Variants in ITGA4 observed in about 807,000 individuals in gnomAD.
The protein encoded by ITGA4 is integrin subunit alpha 4, also known as integrin alpha-4.
Under a neutral mutation model 133.6 loss-of-function variants are expected in ITGA4, and 63 were observed. The observed-to-expected ratio is 0.47, with a 90% CI of 0.38 to 0.58. ITGA4 has a LOEUF of 0.58. Among genes scored for constraint, ITGA4 ranks in the 20% least tolerant of loss-of-function variants. ITGA4 has a pLI of 0.00. For synonymous variants in ITGA4, 483 were observed against 438.0 expected, an observed-to-expected ratio of 1.10 and a Z score of -1.28; for missense variants, 1,076 against 1,252.7, an observed-to-expected ratio of 0.86 and a Z score of 2.13.
In ITGA4 at chr2:181,495,831, A is replaced by G. The variant is rs1686145733; in HGVS notation, c.1434A>G (p.Ser478=). The change falls in exon 14 of 28, where the codon TCA becomes TCG. Residue 478 remains serine (S), a synonymous_variant. Coordinates refer to ENST00000397033, the MANE Select transcript of ITGA4 (RefSeq NM_000885.6). This position sits in a 1 kb window ranked among gnomAD's most constrained non-coding sequence, Gnocchi z 4.3. Reference sequence around the variant, plus strand: ...ACGCTTCTTTAAGCCACCCTGAGTCAGTAAATAGAACGAAATTTGACTGTG... The same window carrying G: ...ACGCTTCTTTAAGCCACCCTGAGTCGGTAAATAGAACGAAATTTGACTGTG... ...IVDASLSHPE[S]VNRTKFDCVE... The G allele has an allele frequency of 6.2e-7, 1 of 1,613,882 alleles. No homozygotes were observed. The highest frequency in any genetic ancestry group is 8.5e-7 in the Non-Finnish European group (1 of 1,179,876).
intron 20 of ITGA4, among the ~76,000 whole-genome samples, chr2:181,524,762 A>G (rs920948256): frequency 3.3e-5 from 5 of 152,208 alleles, no homozygotes; most frequent in African/African-American, 9.6e-5. Context: ...ACGTTAAGGC[A>G]GTACATGACT....
intron 15 of ITGA4, among the ~76,000 whole-genome samples, chr2:181,504,334 G>A (rs1242501174): frequency 6.6e-6 from 1 of 151,962 alleles, no homozygotes; most frequent in Admixed American, 6.6e-5. Context: ...ATTTTGTTAT[G>A]TAAATCTTTA....
intron 10 of ITGA4, among the ~76,000 whole-genome samples, chr2:181,488,242 C>A (rs3770117): frequency 2.6e-5 from 4 of 152,010 alleles, no homozygotes; most frequent in Non-Finnish European, 2.9e-5. Flanking sequence ...AGAGAGTGTT[C>A]GGTCGATGAG....
chr2:181,491,996 A>G (rs772702346), intron 10 of ITGA4, among the ~76,000 whole-genome samples: 2 of 152,118 alleles, frequency 1.3e-5, no homozygotes, highest in Non-Finnish European at 2.9e-5. Flanking sequence ...ATCATTTTCT[A>G]TGAGAAGCCT....
intron 21 of ITGA4, 112 bp downstream of exon 21, chr2:181,525,403 C>A: frequency 3.4e-6 from 2 of 589,102 alleles, no homozygotes; most frequent in Admixed American, 5.9e-5. Context: ...AAAAAGGATA[C>A]TCTATCTTTT....
At chr2:181,534,668 G>A (rs1340572783) in intron 26 of ITGA4, 148 bp from the exon 27 acceptor site, 1 of 683,984 alleles carries the variant, frequency 1.5e-6, no homozygotes, top group Admixed American at 3.1e-5. Flanking sequence ...AGTGTTTCCT[G>A]CAATTATATT....
At position 181,523,457 on chromosome 2, in the gene ITGA4, T is replaced by G; in HGVS notation, c.2094T>G (p.Cys698Trp). 6.2e-7 allele frequency: 1 copy of G among 1,607,976 alleles called. No homozygotes were observed. The highest frequency in any genetic ancestry group is 8.5e-7 in the Non-Finnish European group (1 of 1,174,590). ...ATTAGGAAGAGAAGCAAATAAACTG[T>G]GAAGTCACAGATAACTCTGGCGTGG... The part of the protein sequence containing the change: ...ILELEEKQIN[C>W]EVTDNSGVVQ... Residue 698 changes from cysteine (C) to tryptophan (W), a missense_variant, in exon 19 of 28, where the codon TGT (cysteine) becomes TGG (tryptophan). This residue lies in a region of ITGA4 where 365 missense variants were observed against 421.4 expected (regional missense o/e 0.87). Transcript: ENST00000397033. The surrounding 1 kb of genome is among the most constrained non-coding windows in gnomAD (Gnocchi z 4.2).
intron 17 of ITGA4, among the ~76,000 whole-genome samples, chr2:181,515,959 T>A (rs947662223): frequency 6.6e-6 from 1 of 151,818 alleles, no homozygotes; most frequent in Non-Finnish European, 1.5e-5. Flanking sequence ...AAGACTGCAA[T>A]AATAAACTGT....
At chr2:181,476,431 A>G (rs1685678816) in intron 4 of ITGA4, among the ~76,000 whole-genome samples, 1 of 152,222 alleles carries the variant, frequency 6.6e-6, no homozygotes, top group Admixed American at 6.5e-5. Context: ...AATGGTCATT[A>G]TAAATGACTT....
At chr2:181,485,844 T>A (rs367892966) in intron 9 of ITGA4, 37 bp from the exon 10 acceptor site, 38 of 1,502,812 alleles carry the variant, frequency 2.5e-5, no homozygotes, top group South Asian at 1.8e-4. Flanking sequence ...TGTCAGGGAG[T>A]GTTATAATGA....
At position 181,535,010 on chromosome 2, in the gene ITGA4, ATTAGAT is replaced by A; in HGVS notation, c.3003+79_3003+84del. 7 of 1,444,594 alleles carry A rather than the reference ATTAGAT, an allele frequency of 4.8e-6. No homozygotes were observed. The South Asian group carries it at 8.7e-5, about 18-fold the overall frequency. 89.5% of individuals were successfully genotyped at this position (1,444,594 alleles called of 1,614,324 possible). ...TCAAAGCCAATTTGACTTCCAAGTT[ATTAGAT>A]TTAAATATTTCACTATTTGAATGTT... is the stretch of plus-strand genomic sequence containing the variant. On this transcript the variant is annotated intron_variant, in intron 27 of 27. Transcript: ENST00000397033.
At chr2:181,502,927 T>C (rs1342179091) in intron 15 of ITGA4, among the ~76,000 whole-genome samples, 3 of 151,564 alleles carry the variant, frequency 2.0e-5, no homozygotes, top group Admixed American at 2.0e-4. Context: ...CGGGAGGGAA[T>C]GTACAAGGGA....
In ITGA4 at chr2:181,531,787, C is replaced by G. The variant is rs764268144; in HGVS notation, c.2784+11C>G. On this transcript the variant is annotated intron_variant, in intron 25 of 27. Transcript: ENST00000397033. ...TCCATTTTAGAAATGGTAAGTAAGT[C>G]TAAAACATTGACAACTTGGTGGCTA... 6 of 1,586,670 alleles carry G rather than the reference C, an allele frequency of 3.8e-6. No homozygotes were observed. Among genetic ancestry groups the G allele is most frequent in the Non-Finnish European group, 5.1e-6 (6 of 1,168,546 alleles).
chr2:181,508,702 A>AAAAT (rs148495678), intron 15 of ITGA4, among the ~76,000 whole-genome samples: 104 of 151,654 alleles, frequency 6.9e-4, no homozygotes, highest in African/African-American at 2.2e-3. Flanking sequence ...TCAAAAACGA[A>AAAAT]AAATAAATAA....
chr2:181,524,421 G>GTT (rs1215973709), intron 20 of ITGA4, 171 bp downstream of exon 20: 26 of 502,018 alleles, frequency 5.2e-5, no homozygotes, highest in Non-Finnish European at 8.7e-5. Flanking sequence ...TACTGGCAAT[G>GTT]TTTTAGCTCT....
In ITGA4 at chr2:181,538,219, A is replaced by C. The variant is rs1201433512; in HGVS notation, c.*2692A>C. 3 of 1,592,410 alleles carry C rather than the reference A, an allele frequency of 1.9e-6. No individual in the cohort carries two copies. Among genetic ancestry groups the C allele is most frequent in the East Asian group, 2.2e-5 (1 of 44,736 alleles). On this transcript the variant is annotated 3_prime_UTR_variant, in exon 28 of 28. Coordinates refer to ENST00000397033, the MANE Select transcript of ITGA4 (RefSeq NM_000885.6). Reference sequence around the variant, plus strand: ...ATCATTTCTTCCATGCTTCCTCCATAAAGACTGATAAGTCTTGGATGCAAT... The same window carrying C: ...ATCATTTCTTCCATGCTTCCTCCATCAAGACTGATAAGTCTTGGATGCAAT...
chr2:181,503,565 CTTTTTTTT>C (rs147081320), intron 15 of ITGA4, among the ~76,000 whole-genome samples: 10 of 101,754 alleles, frequency 9.8e-5, no homozygotes, highest in Non-Finnish European at 1.1e-4. Flanking sequence ...AAGAAATTGT[CTTTTTTTT>C]TTTTTTTTTT....
At chr2:181,513,899 C>T (rs1264851512) in intron 17 of ITGA4, among the ~76,000 whole-genome samples, 1 of 152,094 alleles carries the variant, frequency 6.6e-6, no homozygotes, top group African/African-American at 2.4e-5. Context: ...GCCCTGTGCT[C>T]ACGATTATTG....
At chr2:181,487,001 A>G (rs1685936349) in intron 10 of ITGA4, among the ~76,000 whole-genome samples, 1 of 152,222 alleles carries the variant, frequency 6.6e-6, no homozygotes, top group Non-Finnish European at 1.5e-5. Context: ...ATTATTCTAC[A>G]TAAAAAGTCA....
Sources: gnomAD v4.1 joint callset for allele counts (sites outside exome capture counted in the v4.1 genomes callset) on GRCh38, gnomAD v4.1.1 for gene constraint, gnomAD v4.1.1 regional missense constraint, Gnocchi (gnomAD v3.1) non-coding constraint, MANE v1.5 for transcripts, NCBI Gene and HGNC (gene_info 2026-07-23, HGNC 2026-07-21) for gene names.